The following MCTP1 variants were observed in gnomAD, a reference collection of about 807,000 sequenced individuals.
MCTP1 encodes the protein multiple C2 and transmembrane domain-containing protein 1.
A neutral mutation model predicts 120.6 loss-of-function variants in MCTP1; 69 were observed. The observed-to-expected ratio is 0.57, with a 90% CI of 0.47 to 0.70. The LOEUF is 0.70. Ranked by LOEUF, MCTP1 falls within the 30% of genes least tolerant of loss-of-function variation. The pLI, the probability that MCTP1 is intolerant of heterozygous loss-of-function variation, is 0.00. For missense variants in MCTP1, 1,203 were observed against 1,248.8 expected, an observed-to-expected ratio of 0.96 and a Z score of 0.55; for synonymous variants, 529 against 493.1, an observed-to-expected ratio of 1.07 and a Z score of -0.96.
chr5:94,777,024 A>AT (rs35307263), intron 19 of MCTP1, among the ~76,000 whole-genome samples: 43,686 of 152,050 alleles, frequency 0.29, 6,798 homozygotes, highest in Middle Eastern at 0.38. Context: ...TTCAGATATG[A>AT]TTTTTATGCT....
chr5:95,169,584 G>C (rs140277879), intron 1 of MCTP1, among the ~76,000 whole-genome samples: 2,552 of 152,186 alleles, frequency 0.017, 70 homozygotes, highest in African/African-American at 0.058. Flanking sequence ...GCCTGTTATT[G>C]GTCTATTCAG....
intron 10 of MCTP1, among the ~76,000 whole-genome samples, chr5:94,897,060 A>T (rs1804197476): frequency 6.6e-6 from 1 of 151,762 alleles, no homozygotes; most frequent in Non-Finnish European, 1.5e-5. Context: ...CTTTTTTTTA[A>T]ATTTTAATTT....
intron 2 of MCTP1, among the ~76,000 whole-genome samples, chr5:94,969,920 G>C (rs1432091596): frequency 2.0e-5 from 3 of 151,936 alleles, no homozygotes; most frequent in Non-Finnish European, 2.9e-5. Context: ...TATGCCCTAG[G>C]ATGGAAATAT....
chr5:95,082,593 A>T (rs1382645349), intron 1 of MCTP1, among the ~76,000 whole-genome samples: 1 of 152,212 alleles, frequency 6.6e-6, no homozygotes, highest in Non-Finnish European at 1.5e-5. Flanking sequence ...ATATTTTAGT[A>T]GTCACATTAA....
At chr5:94,707,968 G>C (rs1424910180) in intron 22 of MCTP1, among the ~76,000 whole-genome samples, 3 of 146,966 alleles carry the variant, frequency 2.0e-5, no homozygotes, top group Non-Finnish European at 4.5e-5. Flanking sequence ...CCCAGCTTCA[G>C]GATTTAAAAA....
intron 17 of MCTP1, among the ~76,000 whole-genome samples, chr5:94,812,496 C>A (rs1355021000): frequency 8.9e-5 from 12 of 135,366 alleles, no homozygotes; most frequent in Middle Eastern, 3.7e-3. Flanking sequence ...TAAAACAAAA[C>A]AAAAAAAAAA....
At chr5:95,082,248 T>C (rs1277879727) in intron 1 of MCTP1, among the ~76,000 whole-genome samples, 1 of 152,220 alleles carries the variant, frequency 6.6e-6, no homozygotes, top group African/African-American at 2.4e-5. Flanking sequence ...TCCCCTTTTA[T>C]CTGTTCTGTG....
rs891042507 is a variant in MCTP1, at chr5:94,868,347, G to C, written c.2422C>G (p.Leu808Val). 1.1e-5 allele frequency: 18 copies of C among 1,600,052 alleles called. No individual in the cohort carries two copies. The Admixed American group carries it at 3.1e-4, about 28-fold the overall frequency. Residue 808 changes from leucine (L) to valine (V), a missense_variant, in exon 17 of 23, where the codon CTC becomes GTC. This residue lies in a region of MCTP1 where 740 missense variants were observed against 871.1 expected (regional missense o/e 0.85). Transcript: ENST00000515393. ...TATGATCATACCACAAAAGCAGCGA[G>C]ACTCCTTGGGGGTGAATCCCAATCA... ...CFDWDSPPRS[L>V]AAFVLFLFVV... is the part of the protein sequence containing the mutation.
At chr5:94,830,075 G>A (rs1271943220) in intron 17 of MCTP1, among the ~76,000 whole-genome samples, 1 of 152,214 alleles carries the variant, frequency 6.6e-6, no homozygotes, top group African/African-American at 2.4e-5. Context: ...TCCCAAGAAA[G>A]AGTCTGGTAT....
Position 95,279,115 on chromosome 5 carries a change from A to T in MCTP1, c.720+4741T>A, listed in dbSNP as rs148577082. ...GCTTATAAAGTTATGTGGACATATTATTTATACTCCATTAACCAGGATTGG... is the reference window on the plus strand; with the variant it reads ...GCTTATAAAGTTATGTGGACATATTTTTTATACTCCATTAACCAGGATTGG... On this transcript the variant is annotated intron_variant, in intron 1 of 22. Transcript: ENST00000515393. Among the ~76,000 whole-genome samples the T allele has an allele frequency of 5.7e-3, 863 of 152,330 alleles. 9 individuals are homozygous for T. Among genetic ancestry groups the T allele is most frequent in the South Asian group, 0.029 (139 of 4,828 alleles).
intron 2 of MCTP1, among the ~76,000 whole-genome samples, chr5:94,989,167 G>A (rs1831017463): frequency 6.6e-6 from 1 of 152,146 alleles, no homozygotes; most frequent in African/African-American, 2.4e-5. Context: ...CTGGCCTCAA[G>A]CAATCCTCCC....
At chr5:94,992,482 G>A (rs965917912) in intron 2 of MCTP1, among the ~76,000 whole-genome samples, 50 of 152,244 alleles carry the variant, frequency 3.3e-4, no homozygotes, top group African/African-American at 1.2e-3. Context: ...GACCTGTGCT[G>A]TAGCAAATGC....
intron 19 of MCTP1, among the ~76,000 whole-genome samples, chr5:94,743,630 CATTTTT>C (rs1766122465): frequency 3.2e-5 from 4 of 124,586 alleles, no homozygotes; most frequent in Non-Finnish European, 6.5e-5. Flanking sequence ...TCAAAATCCA[CATTTTT>C]TTTTTTTTTT....
chr5:95,006,505 A>G (rs1581800895), intron 2 of MCTP1, among the ~76,000 whole-genome samples: 1 of 152,316 alleles, frequency 6.6e-6, no homozygotes, highest in East Asian at 1.9e-4. Flanking sequence ...ATGCATGGAA[A>G]TAATTGTGTC....
chr5:94,884,835 G>A (rs1417248885), intron 12 of MCTP1, among the ~76,000 whole-genome samples: 2 of 152,114 alleles, frequency 1.3e-5, no homozygotes, highest in Non-Finnish European at 2.9e-5. Flanking sequence ...GTCTTTTTCT[G>A]CTGTTTTGTT....
intron 2 of MCTP1, among the ~76,000 whole-genome samples, chr5:95,005,880 G>T (rs1452260566): frequency 6.6e-6 from 1 of 151,624 alleles, no homozygotes; most frequent in East Asian, 1.9e-4. Flanking sequence ...ATAATTATTT[G>T]CCCAATTATT....
chr5:95,027,776 G>A (rs1380224693), intron 1 of MCTP1, among the ~76,000 whole-genome samples: 1 of 152,116 alleles, frequency 6.6e-6, no homozygotes, highest in Non-Finnish European at 1.5e-5. Context: ...ACCTCTTCTG[G>A]CCTTCTTTGA....
In MCTP1 at chr5:94,752,106, AAAAT is replaced by A. The variant is rs1480752838; in HGVS notation, c.2610+27000_2610+27003del. ...ACATGTACCCTAAAACTTAAATAAT[AAAAT>A]ATATATATATATATATATATATATA... On this transcript the variant is annotated intron_variant, in intron 19 of 22. Coordinates refer to ENST00000515393, the MANE Select transcript of MCTP1 (RefSeq NM_024717.7). Among the ~76,000 whole-genome samples, 6 of 40,696 alleles carry A rather than the reference AAAAT, an allele frequency of 1.5e-4. No homozygotes were observed. In the Admixed American group the frequency reaches 1.8e-3, roughly 12 times the overall value. 26.7% of individuals were successfully genotyped at this position (40,696 alleles called of 152,430 possible).
intron 3 of MCTP1, among the ~76,000 whole-genome samples, chr5:94,949,974 T>G (rs1359134462): frequency 6.6e-6 from 1 of 152,096 alleles, no homozygotes; most frequent in Non-Finnish European, 1.5e-5. Flanking sequence ...GTACCTTATT[T>G]GATTCTTCCC....
Sources: allele counts gnomAD v4.1 joint callset (sites outside exome capture counted in the v4.1 genomes callset), GRCh38; gene constraint gnomAD v4.1.1; regional missense constraint gnomAD v4.1.1; transcripts MANE v1.5; gene names NCBI Gene and HGNC (gene_info 2026-07-23, HGNC 2026-07-21).